Variants in MACROD2 observed in about 807,000 individuals in gnomAD.
MACROD2 encodes the protein ADP-ribose glycohydrolase MACROD2.
A neutral mutation model predicts 70.4 loss-of-function variants in MACROD2; 36 were observed. The observed-to-expected ratio is 0.51, with a 90% CI of 0.39 to 0.68. The LOEUF is 0.68. MACROD2 is among the 30% of genes least tolerant of loss of function. MACROD2 has a pLI of 0.00. For synonymous variants in MACROD2, 172 were observed against 178.8 expected, an observed-to-expected ratio of 0.96 and a Z score of 0.30; for missense variants, 496 against 538.4, an observed-to-expected ratio of 0.92 and a Z score of 0.78.
At position 16,024,285 on chromosome 20, in the gene MACROD2, TG is replaced by T. The variant is rs2067045716; in HGVS notation, c.1154-16915del. Among the ~76,000 whole-genome samples the T allele has an allele frequency of 2.0e-5, 3 of 152,328 alleles. No homozygotes were observed. The South Asian group carries it at 6.2e-4, about 32-fold the overall frequency. ...CTAACAAGGAAGTGCAAATCCTCTC[TG>T]TCTGAATGTGGCTTCAATCCAGATT... is the stretch of plus-strand genomic sequence containing the variant. On this transcript the variant is annotated intron_variant, in intron 15 of 17. Coordinates refer to ENST00000684519, the MANE Select transcript of MACROD2 (RefSeq NM_001351661.2).
At chr20:14,688,667 A>G (rs2071029816) in intron 5 of MACROD2, among the ~76,000 whole-genome samples, 1 of 152,210 alleles carries the variant, frequency 6.6e-6, no homozygotes, top group Non-Finnish European at 1.5e-5. Context: ...TTTTGAATTC[A>G]TAATGCAATT....
At chr20:15,967,850 T>G (rs2066167377) in intron 13 of MACROD2, among the ~76,000 whole-genome samples, 1 of 152,184 alleles carries the variant, frequency 6.6e-6, no homozygotes, top group Non-Finnish European at 1.5e-5. Context: ...CCAGGCTGGC[T>G]TCATTTATTT....
At chr20:15,353,538 A>G (rs888731288) in intron 6 of MACROD2, among the ~76,000 whole-genome samples, 1 of 152,112 alleles carries the variant, frequency 6.6e-6, no homozygotes, top group Non-Finnish European at 1.5e-5. Context: ...CTGCACAGCA[A>G]AAGAAACTAG....
intron 5 of MACROD2, among the ~76,000 whole-genome samples, chr20:15,026,740 G>T (rs1301411170): frequency 6.6e-6 from 1 of 152,022 alleles, no homozygotes; most frequent in African/African-American, 2.4e-5. Flanking sequence ...ATCAATAAAA[G>T]AAAATGATCT....
rs529980206 is a variant in MACROD2 at position 14,038,174 on chromosome 20, G to A, written c.163+35770G>A. 2.1e-4 allele frequency among the ~76,000 whole-genome samples: 32 copies of A among 152,058 alleles called. No individual in the cohort carries two copies. In the South Asian group the frequency reaches 5.8e-3, roughly 28 times the overall value. On this transcript the variant is annotated intron_variant, in intron 2 of 17. Transcript: ENST00000684519. The stretch of plus-strand genomic sequence containing the variant: ...CTGGGTGTGGTGGTGGGTGCTAGTA[G>A]TCCCAGCTACTCAGGAGGCTGAGGC...
At chr20:15,331,201 G>A (rs900117158) in intron 6 of MACROD2, among the ~76,000 whole-genome samples, 10 of 151,608 alleles carry the variant, frequency 6.6e-5, no homozygotes, top group Non-Finnish European at 1.2e-4. Flanking sequence ...TTTTACAGAA[G>A]CTCATATAAA....
At chr20:15,649,338 T>A (rs2049609479) in intron 8 of MACROD2, among the ~76,000 whole-genome samples, 1 of 151,624 alleles carries the variant, frequency 6.6e-6, no homozygotes, top group Non-Finnish European at 1.5e-5. Context: ...ATTATAAGAG[T>A]ATAGCACATG....
At chr20:14,505,965 A>G (rs2084964789) in intron 4 of MACROD2, among the ~76,000 whole-genome samples, 1 of 152,170 alleles carries the variant, frequency 6.6e-6, no homozygotes, top group South Asian at 2.1e-4. Context: ...AAACTGCTGA[A>G]CTTCATAGTT....
At chr20:16,021,720 T>C (rs574857924) in intron 15 of MACROD2, among the ~76,000 whole-genome samples, 2 of 152,312 alleles carry the variant, frequency 1.3e-5, no homozygotes, top group South Asian at 4.1e-4. Context: ...ATTAGGAACC[T>C]GAATCGCAAT....
intron 2 of MACROD2, among the ~76,000 whole-genome samples, chr20:14,006,445 GTATATGCA>G (rs1285065189): frequency 1.3e-5 from 2 of 152,042 alleles, no homozygotes; most frequent in Non-Finnish European, 2.9e-5. Flanking sequence ...GAGTATCTGT[GTATATGCA>G]TATGTATGTA....
intron 2 of MACROD2, among the ~76,000 whole-genome samples, chr20:14,045,075 GAGTGCGGGGCCC>G (rs2053450357): frequency 1.3e-5 from 2 of 152,228 alleles, no homozygotes; most frequent in African/African-American, 2.4e-5. Context: ...TTGCCGCTCC[GAGTGCGGGGCCC>G]GAGGAGCCCA....
chr20:14,565,781 C>G (rs1373586637), intron 4 of MACROD2, among the ~76,000 whole-genome samples: 2 of 151,926 alleles, frequency 1.3e-5, no homozygotes, highest in Non-Finnish European at 2.9e-5. Flanking sequence ...CTGCCTTTCT[C>G]TGGCTTGCTG....
At chr20:14,512,965 A>G (rs1037069230) in intron 4 of MACROD2, among the ~76,000 whole-genome samples, 2 of 152,072 alleles carry the variant, frequency 1.3e-5, no homozygotes, top group Non-Finnish European at 2.9e-5. Flanking sequence ...GTGCCCAGGG[A>G]GACTTCATAG....
At chr20:14,006,819 A>G (rs2052830031) in intron 2 of MACROD2, among the ~76,000 whole-genome samples, 1 of 152,142 alleles carries the variant, frequency 6.6e-6, no homozygotes, top group Non-Finnish European at 1.5e-5. Flanking sequence ...CTGTGGTATC[A>G]TTGAACATGT....
intron 3 of MACROD2, among the ~76,000 whole-genome samples, chr20:14,117,042 G>C (rs2148689178): frequency 7.0e-6 from 1 of 143,336 alleles, no homozygotes; most frequent in East Asian, 2.1e-4. Flanking sequence ...ACTCCAGCCT[G>C]GCGACAGAAC....
intron 8 of MACROD2, among the ~76,000 whole-genome samples, chr20:15,840,289 C>T (rs375039493): frequency 6.6e-6 from 1 of 152,112 alleles, no homozygotes. Flanking sequence ...ATTTTATTTC[C>T]CACCACATCT....
At chr20:14,570,954 G>C (rs750056329) in intron 4 of MACROD2, among the ~76,000 whole-genome samples, 1 of 151,904 alleles carries the variant, frequency 6.6e-6, no homozygotes, top group Non-Finnish European at 1.5e-5. Flanking sequence ...ATCCTCCCAC[G>C]TATCTCCAAT....
At chr20:15,722,101 T>G (rs2050794973) in intron 8 of MACROD2, among the ~76,000 whole-genome samples, 1 of 152,220 alleles carries the variant, frequency 6.6e-6, no homozygotes, top group Non-Finnish European at 1.5e-5. Flanking sequence ...TGGTATTCCA[T>G]TGAATGAATT....
At chr20:15,989,830 TAA>T (rs11087152) in intron 15 of MACROD2, among the ~76,000 whole-genome samples, 378 of 148,678 alleles carry the variant, frequency 2.5e-3, no homozygotes, top group African/African-American at 2.8e-3. Flanking sequence ...GTGATTCCTT[TAA>T]AAAAAAAAAA....
Sources: gnomAD v4.1 joint callset for allele counts (sites outside exome capture counted in the v4.1 genomes callset) on GRCh38, gnomAD v4.1.1 for gene constraint, MANE v1.5 for transcripts, NCBI Gene and HGNC (gene_info 2026-07-23, HGNC 2026-07-21) for gene names.